The following VWA5B1 variants were observed in gnomAD, a reference collection of about 807,000 sequenced individuals.
VWA5B1 encodes the protein von Willebrand factor A domain-containing protein 5B1.
A neutral mutation model predicts 118.2 loss-of-function variants in VWA5B1; 115 were observed. The observed-to-expected ratio is 0.97, with a 90% CI of 0.84 to 1.14. VWA5B1 has a LOEUF of 1.14. Ranked by LOEUF, VWA5B1 falls within the 50% of genes most tolerant of loss-of-function variation. The pLI, the probability that VWA5B1 is intolerant of heterozygous loss-of-function variation, is 0.00. For missense variants in VWA5B1, 1,596 were observed against 1,603.8 expected (o/e 1.00, Z 0.08); for synonymous variants, 682 against 658.4 (o/e 1.04, Z -0.55).
intron 8 of VWA5B1, 80 bp from the exon 9 acceptor site, chr1:20,327,810 G>A: frequency 6.6e-6 from 8 of 1,217,560 alleles, no homozygotes; most frequent in Non-Finnish European, 9.5e-6. Context: ...TCGTGTGCTG[G>A]GAAAGGGAAT....
chr1:20,348,426 G>A (rs200930600), intron 18 of VWA5B1, 68 bp downstream of exon 18: 69 of 1,485,740 alleles, frequency 4.6e-5, no homozygotes, highest in South Asian at 2.2e-4. Context: ...TGAGGTTACC[G>A]CGTCCTCCTG....
chr1:20,352,301 C>T lies in VWA5B1; in HGVS notation c.3141+129C>T, dbSNP rs954264143. The stretch of plus-strand genomic sequence containing the variant: ...GGCTTTGGTCTTAGAGCTCAGATCC[C>T]CTGAGTTTTGAGGTTTCCTAGAGCT... On this transcript the variant is annotated intron_variant, in intron 21 of 21. Coordinates refer to ENST00000289815, the MANE Select transcript of VWA5B1 (RefSeq NM_001039500.3). The T allele has an allele frequency of 6.7e-5, 49 of 735,276 alleles. 1 individual carries two copies. Among genetic ancestry groups the T allele is most frequent in the Middle Eastern group, 7.9e-4 (2 of 2,524 alleles). 45.5% of individuals were successfully genotyped at this position (735,276 alleles called of 1,614,324 possible).
chr1:20,345,895 A>G (rs532658602), intron 17 of VWA5B1, among the ~76,000 whole-genome samples: 2 of 152,346 alleles, frequency 1.3e-5, no homozygotes, highest in South Asian at 2.1e-4. Flanking sequence ...ATTCTAAACT[A>G]TAGAAAGATA....
chr1:20,344,201 C>A (rs1557443670), intron 16 of VWA5B1, among the ~76,000 whole-genome samples: 1 of 151,624 alleles, frequency 6.6e-6, no homozygotes, highest in East Asian at 2.0e-4. Context: ...AGTGACCCGT[C>A]CTCTTCTCTC....
At chr1:20,317,294 C>T (rs1334116734) in intron 4 of VWA5B1, among the ~76,000 whole-genome samples, 2 of 152,098 alleles carry the variant, frequency 1.3e-5, no homozygotes, top group Admixed American at 6.5e-5. Context: ...GTGAGCTACC[C>T]ATCGGGAGCA....
At chr1:20,338,020 C>G (rs746074395) in intron 14 of VWA5B1, 184 bp downstream of exon 14, 2 of 769,500 alleles carry the variant, frequency 2.6e-6, no homozygotes, top group Non-Finnish European at 4.5e-6. Flanking sequence ...AATCAGGACA[C>G]CCACCGGTCA....
intron 1 of VWA5B1, chr1:20,294,317 C>T (rs550584837): frequency 2.6e-5 from 4 of 152,204 alleles, no homozygotes; most frequent in African/African-American, 9.7e-5. Context: ...GGTCACTTGC[C>T]TCTCTATAGT....
Position 20,345,612 on chromosome 1 carries a change from CG to C in VWA5B1, c.2764+24del. 1 of 1,527,890 alleles carries C rather than the reference CG, an allele frequency of 6.5e-7. No individual in the cohort carries two copies. The highest frequency in any genetic ancestry group is 8.8e-7 in the Non-Finnish European group (1 of 1,135,162). 94.6% of individuals were successfully genotyped at this position (1,527,890 alleles called of 1,614,324 possible). A position where few individuals can be genotyped will look rare whatever the true frequency, so the allele number is the denominator to read the frequency against. On this transcript the variant is annotated intron_variant, in intron 17 of 21. Coordinates refer to ENST00000289815, the MANE Select transcript of VWA5B1 (RefSeq NM_001039500.3). ...AACTCTGGTAAGGCAGGCGAGCGGC[CG>C]GGGGCACTCCTGGGGGCCAAGCAGC...
At chr1:20,328,094 G>T in intron 9 of VWA5B1, 94 bp downstream of exon 9, 2 of 1,239,276 alleles carry the variant, frequency 1.6e-6, no homozygotes, top group Middle Eastern at 2.6e-4. Flanking sequence ...AAACCCTAGT[G>T]CTGGCCTCAG....
chr1:20,337,775 G>T lies in VWA5B1; in HGVS notation c.2072G>T (p.Arg691Met). The T allele has an allele frequency of 6.4e-7, 1 of 1,551,810 alleles. No individual in the cohort carries two copies. Among genetic ancestry groups the T allele is most frequent in the Non-Finnish European group, 8.7e-7 (1 of 1,147,022 alleles). Residue 691 changes from arginine to methionine, a missense_variant, in exon 14 of 22, where the codon AGG becomes ATG. Transcript: ENST00000289815. ...AAGAGATACCCACTGCGGAAAGCCA[G>T]GCTGCAGGACCTCACCAACCAGACC... ...AAKRYPLRKARLQDLTNQTSL... is the reference protein window; with the variant it reads ...AAKRYPLRKAMLQDLTNQTSL...
chr1:20,331,039 C>A, intron 11 of VWA5B1, 56 bp downstream of exon 11: 1 of 1,423,724 alleles, frequency 7.0e-7, no homozygotes, highest in Non-Finnish European at 9.4e-7. Context: ...GAGGCTCAGA[C>A]CAGTCACATG....
At chr1:20,342,346 GCCA>G in intron 14 of VWA5B1, 83 bp from the exon 15 acceptor site, 1 of 1,417,672 alleles carries the variant, frequency 7.1e-7, no homozygotes, top group Non-Finnish European at 9.6e-7. Context: ...GGAGGGTCCA[GCCA>G]CCAGGAGCTC....
rs1000119951 is a variant in VWA5B1, at chr1:20,337,896, T to C, written c.2133+60T>C. 10 of 1,548,438 alleles carry C rather than the reference T, an allele frequency of 6.5e-6. No individual in the cohort carries two copies. In the African/African-American group the frequency reaches 9.6e-5, roughly 15 times the overall value. On this transcript the variant is annotated intron_variant, in intron 14 of 21. Transcript: ENST00000289815. Reference sequence around the variant, plus strand: ...GAAGGCGACAGGCAGGGGAGAGCTGTGTCCCCTGCTTCAACCGCAGGACGT... The same window carrying C: ...GAAGGCGACAGGCAGGGGAGAGCTGCGTCCCCTGCTTCAACCGCAGGACGT...
At position 20,356,680 on chromosome 1, in the gene VWA5B1, C is replaced by T. The variant is rs1450539359; in HGVS notation, c.*2417C>T. Among the ~76,000 whole-genome samples the T allele has an allele frequency of 4.6e-5, 7 of 152,380 alleles. No homozygotes were observed. The highest frequency in any genetic ancestry group is 7.3e-5 in the Non-Finnish European group (5 of 68,042). ...CCTCAGACTGCTCCCGCACCGGCCA[C>T]TGGAGCTCTGCAACATGTTTGAGGC... On this transcript the variant is annotated 3_prime_UTR_variant, in exon 22 of 22. Coordinates refer to ENST00000289815, the MANE Select transcript of VWA5B1 (RefSeq NM_001039500.3).
chr1:20,343,126 T>G lies in VWA5B1; in HGVS notation c.2359T>G (p.Trp787Gly). ...SAFETETSSD[W>G]DPPAESQERA... Reference sequence around the variant, plus strand: ...CTTCGAGACAGAGACGTCCTCGGACTGGGACCCCCCAGCCGAGTCCCAGGA... The same window carrying G: ...CTTCGAGACAGAGACGTCCTCGGACGGGGACCCCCCAGCCGAGTCCCAGGA... The change falls in exon 16 of 22, where the codon TGG becomes GGG. Residue 787 changes from tryptophan to glycine, a missense_variant. Physicochemically the swap from Trp to Gly is radical, Grantham distance 184. Coordinates refer to ENST00000289815, the MANE Select transcript of VWA5B1 (RefSeq NM_001039500.3). The G allele has an allele frequency of 1.3e-6, 2 of 1,543,186 alleles. No homozygotes were observed. Among genetic ancestry groups the G allele is most frequent in the African/African-American group, 1.4e-5 (1 of 72,938 alleles).
chr1:20,314,644 T>C lies in VWA5B1; in HGVS notation c.563+52T>C, dbSNP rs2088950254. ...AGAGTCCCAGGTGGGCAGCAGAGAGTGCGTCAGGTGACATTAGTAGGGGAC... is the reference window on the plus strand; with the variant it reads ...AGAGTCCCAGGTGGGCAGCAGAGAGCGCGTCAGGTGACATTAGTAGGGGAC... On this transcript the variant is annotated intron_variant, in intron 4 of 21. Transcript: ENST00000289815. 7 of 1,532,104 alleles carry C rather than the reference T, an allele frequency of 4.6e-6. No homozygotes were observed. The East Asian group carries it at 1.7e-4, about 38-fold the overall frequency. 94.9% of individuals were successfully genotyped at this position (1,532,104 alleles called of 1,614,324 possible).
At chr1:20,349,990 G>A (rs926237881) in intron 18 of VWA5B1, among the ~76,000 whole-genome samples, 166 bp from the exon 19 acceptor site, 3 of 152,094 alleles carry the variant, frequency 2.0e-5, no homozygotes, top group Non-Finnish European at 4.4e-5. Context: ...GTGGGGCAAC[G>A]GTTATATCTG....
chr1:20,327,801 C>A, intron 8 of VWA5B1, 89 bp from the exon 9 acceptor site: 1 of 1,116,154 alleles, frequency 9.0e-7, no homozygotes, highest in Non-Finnish European at 1.3e-6. Flanking sequence ...GGAGGCTGCT[C>A]GTGTGCTGGG....
chr1:20,345,582 A>T lies in VWA5B1; in HGVS notation c.2753A>T (p.Tyr918Phe), dbSNP rs2089990541. 9 of 1,547,592 alleles carry T rather than the reference A, an allele frequency of 5.8e-6. No individual in the cohort carries two copies. The highest frequency in any genetic ancestry group is 7.9e-6 in the Non-Finnish European group (9 of 1,145,080). Residue 918 changes from tyrosine to phenylalanine, a missense_variant, in exon 17 of 22, where the codon TAC becomes TTC. Coordinates refer to ENST00000289815, the MANE Select transcript of VWA5B1 (RefSeq NM_001039500.3). ...CGGTACCTGCCCACCGTGGTGGAGT[A>T]CCCCAACTCTGGTAAGGCAGGCGAG... ...KSRYLPTVVE[Y>F]PNSGAALRML...
Sources: allele counts gnomAD v4.1 joint callset (sites outside exome capture counted in the v4.1 genomes callset), GRCh38; gene constraint gnomAD v4.1.1; transcripts MANE v1.5; gene names NCBI Gene and HGNC (gene_info 2026-07-23, HGNC 2026-07-21).